The following JARID2 variants were observed in gnomAD, a reference collection of about 807,000 sequenced individuals.
JARID2 encodes protein Jumonji.
In JARID2, 21 loss-of-function variants were observed where a neutral mutation model predicts 125.6. That is an observed-to-expected ratio of 0.17 (90% confidence interval 0.12 to 0.24). The LOEUF is 0.24. JARID2 is among the 10% of genes least tolerant of loss of function. The pLI, the probability that JARID2 is intolerant of heterozygous loss-of-function variation, is 1.00. For missense variants in JARID2, 1,303 were observed against 1,639.6 expected, an observed-to-expected ratio of 0.79 and a Z score of 3.55; for synonymous variants, 736 against 661.6, an observed-to-expected ratio of 1.11 and a Z score of -1.73.
intron 1 of JARID2, among the ~76,000 whole-genome samples, chr6:15,300,715 G>A (rs999001687): frequency 1.4e-5 from 2 of 140,684 alleles, no homozygotes; most frequent in Non-Finnish European, 3.0e-5. Context: ...GTGTGTGTGT[G>A]TGTGTGTGAG....
At chr6:15,423,698 C>T (rs767770361) in intron 3 of JARID2, among the ~76,000 whole-genome samples, 2 of 152,140 alleles carry the variant, frequency 1.3e-5, no homozygotes, top group Admixed American at 6.5e-5. Flanking sequence ...TGAGCACGTA[C>T]GTTTTATCCT....
intron 1 of JARID2, among the ~76,000 whole-genome samples, chr6:15,329,481 A>T (rs1041231074): frequency 6.6e-6 from 1 of 152,224 alleles, no homozygotes; most frequent in African/African-American, 2.4e-5. Context: ...GGGCAAGCTC[A>T]CTGTAAATCT....
At chr6:15,392,186 G>A (rs543845249) in intron 2 of JARID2, among the ~76,000 whole-genome samples, 6 of 152,162 alleles carry the variant, frequency 3.9e-5, no homozygotes, top group Admixed American at 6.5e-5. Flanking sequence ...GTCAAGCCAC[G>A]TTAAGGTGGC....
chr6:15,448,171 G>A (rs938859544), intron 3 of JARID2, among the ~76,000 whole-genome samples: 2 of 152,166 alleles, frequency 1.3e-5, no homozygotes, highest in Non-Finnish European at 2.9e-5. Flanking sequence ...TCTCACAAAT[G>A]TTTAATCACT....
intron 1 of JARID2, among the ~76,000 whole-genome samples, chr6:15,287,997 T>C (rs1250923932): frequency 6.6e-6 from 1 of 152,088 alleles, no homozygotes; most frequent in Admixed American, 6.6e-5. Context: ...ATGACACAAA[T>C]AGCAGTTGAG....
At position 15,374,136 on chromosome 6, in the gene JARID2, C is replaced by T. The variant is rs1225478355; in HGVS notation, c.65C>T (p.Pro22Leu). Residue 22 changes from proline to leucine, a missense_variant, in exon 2 of 18, where the codon CCG becomes CTG. Around this residue, in one of 11 missense-constraint regions of JARID2, gnomAD observed 93 missense variants for 120.4 expected, o/e 0.77. Coordinates refer to ENST00000341776, the MANE Select transcript of JARID2 (RefSeq NM_004973.4). ...QKKYDDSDGI[P>L]WSEERVVRKV... ...CTTCAGGATGACAGTGATGGGATTCCGTGGTCAGAAGAACGGGTGGTACGT... is the reference window on the plus strand; with the variant it reads ...CTTCAGGATGACAGTGATGGGATTCTGTGGTCAGAAGAACGGGTGGTACGT... 9 of 1,613,842 alleles carry T rather than the reference C, an allele frequency of 5.6e-6. No individual in the cohort carries two copies. The highest frequency in any genetic ancestry group is 2.7e-5 in the African/African-American group (2 of 74,886).
At chr6:15,495,514 G>GGT (rs1383662584) in intron 6 of JARID2, among the ~76,000 whole-genome samples, 1 of 152,226 alleles carries the variant, frequency 6.6e-6, no homozygotes, top group African/African-American at 2.4e-5. Context: ...ACAGTTTGCA[G>GGT]CCACACCTCT....
At chr6:15,495,717 A>G (rs977682218) in intron 6 of JARID2, among the ~76,000 whole-genome samples, 9 of 152,164 alleles carry the variant, frequency 5.9e-5, no homozygotes, top group African/African-American at 2.2e-4. Flanking sequence ...GTCTGTCTCC[A>G]CTTCCCCCAA....
intron 2 of JARID2, among the ~76,000 whole-genome samples, chr6:15,404,186 G>T (rs1258308654): frequency 1.3e-5 from 2 of 152,126 alleles, no homozygotes; most frequent in Non-Finnish European, 2.9e-5. Context: ...CCTGGGCTGT[G>T]CTCTGCAGAC....
chr6:15,318,743 G>A (rs1762257508), intron 1 of JARID2, among the ~76,000 whole-genome samples: 1 of 152,208 alleles, frequency 6.6e-6, no homozygotes, highest in African/African-American at 2.4e-5. Context: ...ATGAGGGGTG[G>A]GAAAGGCAAC....
At chr6:15,376,435 G>A (rs534112575) in intron 2 of JARID2, among the ~76,000 whole-genome samples, 4 of 152,230 alleles carry the variant, frequency 2.6e-5, no homozygotes, top group African/African-American at 9.6e-5. Context: ...TCATTATTTT[G>A]CTTGGTGCGG....
At chr6:15,433,410 CTGTGTGTGTGTGTGTGTGTGTG>C (rs57296791) in intron 3 of JARID2, among the ~76,000 whole-genome samples, 8 of 143,428 alleles carry the variant, frequency 5.6e-5, no homozygotes, top group Non-Finnish European at 1.1e-4. Flanking sequence ...CCATGTCTCT[CTGTGTGTGTGTGTGTGTGTGTG>C]TGTGTGTGTG....
intron 2 of JARID2, among the ~76,000 whole-genome samples, chr6:15,392,426 C>T (rs974618917): frequency 3.9e-5 from 6 of 152,108 alleles, no homozygotes; most frequent in Admixed American, 3.3e-4. Flanking sequence ...GAAAAGGATT[C>T]ACCTTCTGTC....
intron 1 of JARID2, chr6:15,368,597 A>G (rs937523933): frequency 1.3e-5 from 5 of 389,956 alleles, no homozygotes; most frequent in African/African-American, 1.1e-4. Context: ...GAGTAACCAA[A>G]AGAGAAGGGT....
intron 2 of JARID2, among the ~76,000 whole-genome samples, chr6:15,381,547 G>A (rs1054947017): frequency 1.3e-5 from 2 of 152,104 alleles, no homozygotes; most frequent in African/African-American, 4.8e-5. Context: ...ATGAAAGAAA[G>A]CTGGGTGAAA....
chr6:15,450,375 G>A (rs150543005), intron 3 of JARID2, among the ~76,000 whole-genome samples: 2,348 of 152,190 alleles, frequency 0.015, 65 homozygotes, highest in African/African-American at 0.053. Context: ...TCACCACCTT[G>A]GCCAGGCTGG....
Position 15,411,820 on chromosome 6 carries a change from A to G in JARID2, c.323+1455A>G, listed in dbSNP as rs192594251. ...AGTCTGGGCACCCACTCCTTTAGCT[A>G]TGTGGCTGGCCATCACCCTCACTTC... On this transcript the variant is annotated intron_variant, in intron 3 of 17. Transcript: ENST00000341776. Among the ~76,000 whole-genome samples the G allele has an allele frequency of 6.6e-4, 100 of 152,312 alleles. 1 individual carries two copies. The highest frequency in any genetic ancestry group is 6.3e-4 in the Non-Finnish European group (43 of 68,034).
intron 1 of JARID2, among the ~76,000 whole-genome samples, chr6:15,338,675 C>A (rs567437831): frequency 6.6e-6 from 1 of 152,280 alleles, no homozygotes; most frequent in South Asian, 2.1e-4. Flanking sequence ...TAGCCCTGCC[C>A]CTATGGTCCA....
rs773084920 is a variant in JARID2 at position 15,520,736 on chromosome 6, C to T, written c.*485C>T. ...CTTGAAATGGCTTTGCTTTGGCTGT[C>T]GTCTTCTGCCGTGTGCCAGATGAGC... On this transcript the variant is annotated 3_prime_UTR_variant, in exon 18 of 18. Transcript: ENST00000341776. 2.6e-4 allele frequency: 120 copies of T among 455,622 alleles called. No homozygotes were observed. In the East Asian group the frequency reaches 2.6e-3, roughly 10 times the overall value. The allele number at this position is 455,622 out of a possible 1,614,324, so 28.2% of individuals were successfully genotyped here.
Sources: gnomAD v4.1 joint callset for allele counts (sites outside exome capture counted in the v4.1 genomes callset) on GRCh38, gnomAD v4.1.1 for gene constraint, gnomAD v4.1.1 regional missense constraint, MANE v1.5 for transcripts, NCBI Gene and HGNC (gene_info 2026-07-23, HGNC 2026-07-21) for gene names.